The following LDB3 variants were observed in gnomAD, a reference collection of about 807,000 sequenced individuals.
LDB3 encodes the protein LIM domain binding 3.
Under a neutral mutation model 69.0 loss-of-function variants are expected in LDB3, and 49 were observed. That is an observed-to-expected ratio of 0.71 (90% confidence interval 0.56 to 0.90). The LOEUF (loss-of-function observed/expected upper bound fraction) is 0.90, where lower values mean the gene tolerates loss of function less well. LDB3 is among the 40% of genes least tolerant of loss of function. LDB3 has a pLI of 0.00. For synonymous variants in LDB3, 387 were observed against 396.2 expected (o/e 0.98, Z 0.28); for missense variants, 928 against 974.1 (o/e 0.95, Z 0.63).
chr10:86,694,256 C>T (rs1434885887), intron 7 of LDB3, among the ~76,000 whole-genome samples: 1 of 152,222 alleles, frequency 6.6e-6, no homozygotes, highest in African/African-American at 2.4e-5. Context: ...TTCCCCTTCC[C>T]TCCTTCAAGG....
rs573805000 is a variant in LDB3, at chr10:86,682,027, A to G, written c.689+224A>G. On this transcript the variant is annotated intron_variant, in intron 5 of 13. Transcript: ENST00000361373. The stretch of plus-strand genomic sequence containing the variant: ...GGTGACATGTCGGATTTTGCAGAGG[A>G]GGAAACTGAGGCTCAGAGAAGGTTA... Among the ~76,000 whole-genome samples, 23 of 152,306 alleles carry G rather than the reference A, an allele frequency of 1.5e-4. No individual in the cohort carries two copies. The East Asian group carries it at 4.4e-3, about 29-fold the overall frequency.
Position 86,668,548 on chromosome 10 carries a change from C to G in LDB3, c.-46C>G. 4 of 740,502 alleles carry G rather than the reference C, an allele frequency of 5.4e-6. No homozygotes were observed. Among genetic ancestry groups the G allele is most frequent in the Non-Finnish European group, 9.8e-6 (4 of 408,378 alleles). 45.9% of individuals were successfully genotyped at this position (740,502 alleles called of 1,614,324 possible). A position where few individuals can be genotyped will look rare whatever the true frequency, so the allele number is the denominator to read the frequency against. The stretch of plus-strand genomic sequence containing the variant: ...CTCTCAAGAGCTCCACGCAGCCCGG[C>G]TGGGCAGCAAGGGACAGAACAGGCA... On this transcript the variant is annotated 5_prime_UTR_variant, in exon 1 of 14. Transcript: ENST00000361373.
chr10:86,671,211 T>G (rs2803560), intron 2 of LDB3, among the ~76,000 whole-genome samples: 113,199 of 152,168 alleles, frequency 0.74, 42,448 homozygotes, highest in African/African-American at 0.83. Flanking sequence ...GACAGGGATG[T>G]CCATGGGTGG....
chr10:86,685,835 G>T (rs1448960158), intron 5 of LDB3: 4 of 1,054,556 alleles, frequency 3.8e-6, no homozygotes, highest in African/African-American at 1.6e-5. Context: ...GGGTACACTT[G>T]TACCCCTGGG....
At chr10:86,671,424 C>T (rs557581183) in intron 2 of LDB3, among the ~76,000 whole-genome samples, 6 of 152,256 alleles carry the variant, frequency 3.9e-5, no homozygotes, top group Admixed American at 1.3e-4. Context: ...CAGCAGCAGC[C>T]CCTCAAGGCA....
Position 86,735,873 on chromosome 10 carries a change from C to T in LDB3, c.*2897C>T, listed in dbSNP as rs1422207618. The T allele has an allele frequency of 6.6e-6, 1 of 151,176 alleles. No homozygotes were observed. The highest frequency in any genetic ancestry group is 2.4e-5 in the African/African-American group (1 of 41,138). 9.4% of individuals were successfully genotyped at this position (151,176 alleles called of 1,614,324 possible). A position where few individuals can be genotyped will look rare whatever the true frequency, so the allele number is the denominator to read the frequency against. ...ATATCTGCAGTGTTTGTGTTAGGAA[C>T]CTAGCTTTTATAATGTGTTAACTTT... On this transcript the variant is annotated 3_prime_UTR_variant, in exon 14 of 14. Coordinates refer to ENST00000361373, the MANE Select transcript of LDB3 (RefSeq NM_007078.3).
At chr10:86,684,745 G>A (rs538626384) in intron 5 of LDB3, among the ~76,000 whole-genome samples, 1 of 152,346 alleles carries the variant, frequency 6.6e-6, no homozygotes, top group Admixed American at 6.5e-5. Context: ...CCCACACTGG[G>A]CAGATTCAAG....
chr10:86,725,700 G>A (rs1461454283), intron 12 of LDB3, among the ~76,000 whole-genome samples: 1 of 152,146 alleles, frequency 6.6e-6, no homozygotes, highest in South Asian at 2.1e-4. Flanking sequence ...CAACACAAAT[G>A]CCCCATGACA....
Position 86,699,447 on chromosome 10 carries a change from G to A in LDB3, c.896+6876G>A, listed in dbSNP as rs1328850615. On this transcript the variant is annotated intron_variant, in intron 7 of 13. Transcript: ENST00000361373. This position sits in a 1 kb window ranked among gnomAD's most constrained non-coding sequence, Gnocchi z 4.9. ...CCTTACCCCCACACAGATCTGGCATGTGAGCCCCACGGTGATGCTTGACAA... is the reference window on the plus strand; with the variant it reads ...CCTTACCCCCACACAGATCTGGCATATGAGCCCCACGGTGATGCTTGACAA... 1.2e-6 allele frequency: 2 copies of A among 1,609,652 alleles called. No homozygotes were observed. Among genetic ancestry groups the A allele is most frequent in the African/African-American group, 1.3e-5 (1 of 74,790 alleles).
chr10:86,690,912 A>G (rs1449918012), intron 5 of LDB3, among the ~76,000 whole-genome samples: 4 of 152,124 alleles, frequency 2.6e-5, no homozygotes, highest in African/African-American at 9.7e-5. Context: ...GCCTCTCTGG[A>G]CCTCAGCTTC....
chr10:86,724,978 AGAGTCCAATTTTG>A (rs1461067708), intron 12 of LDB3, among the ~76,000 whole-genome samples: 1 of 152,224 alleles, frequency 6.6e-6, no homozygotes, highest in Admixed American at 6.5e-5. Context: ...TCCTTTATTC[AGAGTCCAATTTTG>A]TAACCCCCAT....
At chr10:86,712,203 A>G (rs367698824) in intron 9 of LDB3, among the ~76,000 whole-genome samples, 1 of 152,074 alleles carries the variant, frequency 6.6e-6, no homozygotes, top group East Asian at 2.0e-4. Context: ...TGGGTGGGTT[A>G]GCCCCAAGCA....
At chr10:86,681,317 G>A in intron 4 of LDB3, 119 bp from the exon 5 acceptor site, 3 of 1,475,436 alleles carry the variant, frequency 2.0e-6, no homozygotes, top group Non-Finnish European at 2.8e-6. Flanking sequence ...GGCGCTCTGG[G>A]CTTCAGGCTG....
chr10:86,698,375 T>C (rs1322495618), intron 7 of LDB3, among the ~76,000 whole-genome samples: 1 of 152,242 alleles, frequency 6.6e-6, no homozygotes, highest in African/African-American at 2.4e-5. Flanking sequence ...ACTGTGTTTG[T>C]GGCTGGATGG....
At chr10:86,712,359 G>T (rs1038764048) in intron 9 of LDB3, among the ~76,000 whole-genome samples, 1 of 152,240 alleles carries the variant, frequency 6.6e-6, no homozygotes, top group Non-Finnish European at 1.5e-5. Flanking sequence ...GGGGAATAGG[G>T]TTAGTATTGC....
rs141212155 is a variant in LDB3, at chr10:86,708,710, G to C, written c.1086-1195G>C. ...CAGCCAGAAACTCGGCAGCTTGACA[G>C]GGCAAGTGTGCACAGCCCCCTGGTC... On this transcript the variant is annotated intron_variant, in intron 8 of 13. Transcript: ENST00000361373. 5.5e-3 allele frequency among the ~76,000 whole-genome samples: 836 copies of C among 152,344 alleles called. 7 individuals carry two copies. The highest frequency in any genetic ancestry group is 0.019 in the African/African-American group (802 of 41,570).
At position 86,706,601 on chromosome 10, in the gene LDB3, C is replaced by T. The variant is rs746848517; in HGVS notation, c.967C>T (p.Pro323Ser). The change falls in exon 8 of 14, where the codon CCA becomes TCA. Residue 323 changes from proline to serine, a missense_variant. Physicochemically the swap from Pro to Ser is moderately conservative, Grantham distance 74 (BLOSUM62 -1). Transcript: ENST00000361373. ...TTPLLPASAQ[P>S]PAAASPSAAS... is the part of the protein sequence containing the mutation. ...CCCGCTGCTGCCCGCTTCTGCCCAG[C>T]CACCTGCTGCTGCCTCTCCCAGTGC... 1.9e-6 allele frequency: 3 copies of T among 1,613,200 alleles called. No homozygotes were observed. In the South Asian group the frequency reaches 3.3e-5, roughly 18 times the overall value.
In LDB3 at chr10:86,733,935, G is replaced by A. The variant is rs1347554552; in HGVS notation, c.*959G>A. 1 of 152,192 alleles carries A rather than the reference G, an allele frequency of 6.6e-6. No homozygotes were observed. The highest frequency in any genetic ancestry group is 1.5e-5 in the Non-Finnish European group (1 of 68,072). 9.4% of individuals were successfully genotyped at this position (152,192 alleles called of 1,614,324 possible). On this transcript the variant is annotated 3_prime_UTR_variant, in exon 14 of 14. Coordinates refer to ENST00000361373, the MANE Select transcript of LDB3 (RefSeq NM_007078.3). ...CCCCCAGTACCCTCCATCTCAAATA[G>A]GCTTGGTGGCCTGTGGAAAAGAAGA...
chr10:86,688,089 GTC>G (rs1262808643), intron 5 of LDB3, among the ~76,000 whole-genome samples: 2 of 131,032 alleles, frequency 1.5e-5, no homozygotes, highest in East Asian at 2.9e-4. Context: ...GTGTGTATGT[GTC>G]TGTCTATCTG....
Sources: gnomAD v4.1 joint callset for allele counts (sites outside exome capture counted in the v4.1 genomes callset) on GRCh38, gnomAD v4.1.1 for gene constraint, Gnocchi (gnomAD v3.1) non-coding constraint, MANE v1.5 for transcripts, NCBI Gene and HGNC (gene_info 2026-07-23, HGNC 2026-07-21) for gene names.